ZNF385D: variants seen among roughly 807,000 people sequenced by gnomAD.
The protein encoded by ZNF385D is zinc finger protein 659.
In ZNF385D, 15 loss-of-function variants were observed where a neutral mutation model predicts 35.8. The ratio of observed to expected loss-of-function variants is 0.42; its 90% CI spans 0.28 to 0.64. The LOEUF is 0.64. ZNF385D is among the 30% of genes least tolerant of loss of function. The pLI is 0.23. For missense variants in ZNF385D, 474 were observed against 494.6 expected (o/e 0.96, Z 0.39); for synonymous variants, 212 against 186.8 (o/e 1.13, Z -1.10).
At chr3:21,778,475 C>T (rs1310954560) in intron 3 of ZNF385D, among the ~76,000 whole-genome samples, 3 of 151,790 alleles carry the variant, frequency 2.0e-5, no homozygotes, top group Non-Finnish European at 2.9e-5. Flanking sequence ...ATCTAAACAT[C>T]GAAGCACCCT....
chr3:22,100,055 T>G (rs1435158388), intron 3 of ZNF385D, among the ~76,000 whole-genome samples: 1 of 151,198 alleles, frequency 6.6e-6, no homozygotes, highest in Non-Finnish European at 1.5e-5. Context: ...AAGAAGGCAT[T>G]TATGCAGCCA....
chr3:21,449,068 CTAATTATT>C (rs2125272900), intron 4 of ZNF385D, among the ~76,000 whole-genome samples: 1 of 118,822 alleles, frequency 8.4e-6, no homozygotes, highest in South Asian at 3.0e-4. Context: ...AGCTATAAAT[CTAATTATT>C]TAAGTATATA....
intron 2 of ZNF385D, among the ~76,000 whole-genome samples, chr3:22,361,449 A>C (rs1366600016): frequency 6.6e-6 from 1 of 152,078 alleles, no homozygotes; most frequent in Non-Finnish European, 1.5e-5. Context: ...AAAACTGTTA[A>C]AGTCACTTCA....
chr3:21,667,947 A>C (rs1371699902), intron 1 of ZNF385D, among the ~76,000 whole-genome samples: 3 of 152,218 alleles, frequency 2.0e-5, no homozygotes, highest in Non-Finnish European at 2.9e-5. Context: ...AAGAAGAGTC[A>C]TAAAAACCTT....
chr3:22,281,052 A>G (rs1036784976), intron 2 of ZNF385D, among the ~76,000 whole-genome samples: 2 of 152,022 alleles, frequency 1.3e-5, no homozygotes, highest in African/African-American at 4.8e-5. Flanking sequence ...TCACGGTTGT[A>G]TAGTAGGGCT....
intron 3 of ZNF385D, among the ~76,000 whole-genome samples, chr3:22,138,671 A>T (rs1173668569): frequency 6.6e-6 from 1 of 152,266 alleles, no homozygotes; most frequent in East Asian, 1.9e-4. Context: ...TTAATTCAAG[A>T]TGGATAAAAG....
intron 3 of ZNF385D, among the ~76,000 whole-genome samples, chr3:22,089,393 T>C (rs1173725167): frequency 6.6e-6 from 1 of 152,206 alleles, no homozygotes; most frequent in African/African-American, 2.4e-5. Flanking sequence ...GCTTTGTCAG[T>C]AGAGGGCACT....
At chr3:22,268,998 A>C (rs2125357965) in intron 2 of ZNF385D, among the ~76,000 whole-genome samples, 1 of 152,086 alleles carries the variant, frequency 6.6e-6, no homozygotes, top group South Asian at 2.1e-4. Flanking sequence ...TTATCATAAA[A>C]GTTCATTTTC....
intron 4 of ZNF385D, among the ~76,000 whole-genome samples, chr3:21,503,448 A>G (rs924044285): frequency 2.0e-5 from 3 of 152,200 alleles, no homozygotes; most frequent in East Asian, 1.9e-4. Context: ...GTTGCCCTCC[A>G]TAGAAAACTA....
chr3:22,304,003 C>T (rs1703067095), intron 2 of ZNF385D, among the ~76,000 whole-genome samples: 1 of 152,170 alleles, frequency 6.6e-6, no homozygotes, highest in Non-Finnish European at 1.5e-5. Flanking sequence ...GTCTCGAACT[C>T]CTGACCTCAG....
intron 3 of ZNF385D, among the ~76,000 whole-genome samples, chr3:21,517,202 G>A (rs1444785319): frequency 6.6e-6 from 1 of 151,608 alleles, no homozygotes; most frequent in Non-Finnish European, 1.5e-5. Flanking sequence ...ACCCCTCAAA[G>A]TTATAAAGAC....
chr3:21,815,240 C>A (rs988846559), intron 3 of ZNF385D, among the ~76,000 whole-genome samples: 1 of 152,102 alleles, frequency 6.6e-6, no homozygotes, highest in Admixed American at 6.6e-5. Context: ...CAGGAAAGAT[C>A]TAAAATTGAC....
At position 22,132,383 on chromosome 3, in the gene ZNF385D, A is replaced by G. The variant is rs184525479; in HGVS notation, c.325+36434T>C. Among the ~76,000 whole-genome samples, 455 of 152,272 alleles carry G rather than the reference A, an allele frequency of 3.0e-3. 3 individuals are homozygous for G. Among genetic ancestry groups the G allele is most frequent in the African/African-American group, 0.01 (428 of 41,578 alleles). On this transcript the variant is annotated intron_variant, in intron 3 of 5. Transcript: ENST00000494108. ...TTCCCAGCCTTCAGAACTGAGATAA[A>G]TACATTTCTGCTATTTAAAATCTAC...
intron 3 of ZNF385D, among the ~76,000 whole-genome samples, chr3:21,859,376 T>G (rs1696913719): frequency 6.6e-6 from 1 of 151,762 alleles, no homozygotes; most frequent in African/African-American, 2.4e-5. Flanking sequence ...ATCTTTCCTC[T>G]TAAGTAGTTA....
rs987495047 is a variant in ZNF385D, at chr3:22,270,287, A to G, written c.107-101252T>C. Among the ~76,000 whole-genome samples, 4 of 152,044 alleles carry G rather than the reference A, an allele frequency of 2.6e-5. No homozygotes were observed. In the South Asian group the frequency reaches 8.3e-4, roughly 32 times the overall value. ...TCAATTGCCTAAATGGATTTCTATA[A>G]CCAGGGGCTTTAGGACAGTATCTCA... On this transcript the variant is annotated intron_variant, in intron 2 of 5. Coordinates refer to the ZNF385D transcript ENST00000494108.
intron 3 of ZNF385D, among the ~76,000 whole-genome samples, chr3:22,130,167 T>C (rs1193686824): frequency 6.6e-6 from 1 of 152,144 alleles, no homozygotes; most frequent in Non-Finnish European, 1.5e-5. Context: ...GCTTCATTTT[T>C]ACTGTGGCTA....
At chr3:21,891,530 A>G (rs552506178) in intron 3 of ZNF385D, among the ~76,000 whole-genome samples, 15 of 152,252 alleles carry the variant, frequency 9.9e-5, no homozygotes, top group African/African-American at 3.4e-4. Flanking sequence ...GAGGTAAATG[A>G]TATAAGACAT....
chr3:21,816,509 T>TACAAAATCAATATGCAAAC lies in ZNF385D; in HGVS notation c.326-151482_326-151481insGTTTGCATATTGATTTTGT, dbSNP rs1559651860. Among the ~76,000 whole-genome samples, 19 of 152,038 alleles carry TACAAAATCAATATGCAAAC rather than the reference T, an allele frequency of 1.2e-4. No individual in the cohort carries two copies. The Middle Eastern group carries it at 0.014, about 110-fold the overall frequency. On this transcript the variant is annotated intron_variant, in intron 3 of 5. Coordinates refer to the ZNF385D transcript ENST00000494108. ...TCAAGATACAAAATCAATATGCAAA[T>TACAAAATCAATATGCAAAC]ATCACAAGCATTCCTATGCACCAAT...
rs190858570 is a variant in ZNF385D at position 22,099,005 on chromosome 3, T to C, written c.325+69812A>G. On this transcript the variant is annotated intron_variant, in intron 3 of 5. Transcript: ENST00000494108. ...ATTAGAGTTATGCACAACTTCTTCA[T>C]GGATATTTATCATAGGGATTTCTGT... Among the ~76,000 whole-genome samples the C allele has an allele frequency of 6.8e-3, 1,028 of 152,194 alleles. 17 individuals are homozygous for C. The highest frequency in any genetic ancestry group is 0.022 in the African/African-American group (933 of 41,544).
Sources: gnomAD v4.1 joint callset for allele counts (sites outside exome capture counted in the v4.1 genomes callset) on GRCh38, gnomAD v4.1.1 for gene constraint, MANE v1.5 for transcripts, NCBI Gene and HGNC (gene_info 2026-07-23, HGNC 2026-07-21) for gene names.